PTPRD: variants seen among roughly 807,000 people sequenced by gnomAD.
PTPRD encodes receptor-type tyrosine-protein phosphatase delta.
In PTPRD, 34 loss-of-function variants were observed where a neutral mutation model predicts 214.5. The ratio of observed to expected loss-of-function variants is 0.16; its 90% CI spans 0.12 to 0.21. PTPRD has a LOEUF of 0.21. Among genes scored for constraint, PTPRD ranks in the 10% least tolerant of loss-of-function variants. The pLI, the probability that PTPRD is intolerant of heterozygous loss-of-function variation, is 1.00. For missense variants in PTPRD, 2,545 were observed against 2,398.7 expected (o/e 1.06, Z -1.27); for synonymous variants, 1,128 against 845.7 (o/e 1.33, Z -5.79).
chr9:10,158,708 G>T (rs1043083340), intron 3 of PTPRD, among the ~76,000 whole-genome samples: 1 of 152,060 alleles, frequency 6.6e-6, no homozygotes, highest in South Asian at 2.1e-4. Context: ...AAATTTGCCT[G>T]CCACCAACTG....
rs1464318660 is a variant in PTPRD, at chr9:8,315,879, C to A, written c.*1995G>T. ...TTAAAATCATGTAATATGTGGCAAA[C>A]TTATGCCATCATCCATGGCTTCCTA... On this transcript the variant is annotated 3_prime_UTR_variant, in exon 46 of 46. Coordinates refer to ENST00000381196, the MANE Select transcript of PTPRD (RefSeq NM_002839.4). 2 of 225,322 alleles carry A rather than the reference C, an allele frequency of 8.9e-6. No homozygotes were observed. Among genetic ancestry groups the A allele is most frequent in the Non-Finnish European group, 1.8e-5 (2 of 112,972 alleles). 14.0% of individuals were successfully genotyped at this position (225,322 alleles called of 1,614,324 possible).
chr9:9,861,052 A>T (rs1375564912), intron 5 of PTPRD, among the ~76,000 whole-genome samples: 5 of 152,202 alleles, frequency 3.3e-5, no homozygotes, highest in Non-Finnish European at 5.9e-5. Flanking sequence ...TTTAAAAAAG[A>T]GAAATCATTA....
At chr9:9,901,257 A>G (rs1313513938) in intron 5 of PTPRD, among the ~76,000 whole-genome samples, 2 of 152,174 alleles carry the variant, frequency 1.3e-5, no homozygotes, top group African/African-American at 2.4e-5. Flanking sequence ...AAGTTCTAAT[A>G]TGTCATTATA....
At chr9:8,466,606 A>T (rs1000094474) in intron 31 of PTPRD, among the ~76,000 whole-genome samples, 1 of 151,916 alleles carries the variant, frequency 6.6e-6, no homozygotes, top group Non-Finnish European at 1.5e-5. Context: ...GGGTTTAACA[A>T]GGGAAAGGTC....
chr9:9,014,239 G>A (rs181792375), intron 11 of PTPRD, among the ~76,000 whole-genome samples: 2 of 142,224 alleles, frequency 1.4e-5, no homozygotes, highest in East Asian at 2.1e-4. Flanking sequence ...TGAGTTTCAT[G>A]AGCAAAGCTG....
At chr9:10,161,938 T>C (rs746656644) in intron 3 of PTPRD, among the ~76,000 whole-genome samples, 11 of 151,656 alleles carry the variant, frequency 7.3e-5, no homozygotes, top group Non-Finnish European at 1.5e-4. Context: ...GTATATTTTT[T>C]AAAAAAATGC....
chr9:9,307,488 A>T (rs1957496773), intron 9 of PTPRD, among the ~76,000 whole-genome samples: 1 of 152,166 alleles, frequency 6.6e-6, no homozygotes, highest in African/African-American at 2.4e-5. Flanking sequence ...GAAACCTGAA[A>T]GTCTTCTTTA....
intron 3 of PTPRD, among the ~76,000 whole-genome samples, chr9:10,036,829 G>A (rs375401383): frequency 1.4e-3 from 209 of 151,842 alleles, no homozygotes; most frequent in African/African-American, 4.6e-3. Context: ...TGATCTGCCC[G>A]CCTCGGCCTC....
chr9:8,665,347 A>T (rs549555745), intron 12 of PTPRD, among the ~76,000 whole-genome samples: 1 of 152,300 alleles, frequency 6.6e-6, no homozygotes, highest in Admixed American at 6.5e-5. Context: ...TGCACTGGGG[A>T]GTAGCATGAT....
At chr9:9,989,768 C>A (rs1433175118) in intron 4 of PTPRD, among the ~76,000 whole-genome samples, 1 of 152,206 alleles carries the variant, frequency 6.6e-6, no homozygotes, top group Non-Finnish European at 1.5e-5. Context: ...CCCGCTGGGG[C>A]TCCAGGGGTC....
chr9:8,360,119 A>T (rs879428371), intron 39 of PTPRD, among the ~76,000 whole-genome samples: 2 of 152,244 alleles, frequency 1.3e-5, no homozygotes, highest in Non-Finnish European at 2.9e-5. Context: ...TAGTTACAAA[A>T]TAAATGAGTT....
intron 3 of PTPRD, among the ~76,000 whole-genome samples, chr9:10,075,476 A>C (rs2098117780): frequency 6.6e-6 from 1 of 151,820 alleles, no homozygotes; most frequent in African/African-American, 2.4e-5. Flanking sequence ...TATTTGATTT[A>C]TATACTTTAT....
At chr9:10,602,168 T>C (rs1405779673) in intron 2 of PTPRD, among the ~76,000 whole-genome samples, 1 of 151,828 alleles carries the variant, frequency 6.6e-6, no homozygotes, top group East Asian at 1.9e-4. Flanking sequence ...GTGGTATTAA[T>C]TAAAATTTTA....
intron 14 of PTPRD, among the ~76,000 whole-genome samples, chr9:8,551,138 A>C (rs890840134): frequency 1.3e-5 from 2 of 152,156 alleles, no homozygotes; most frequent in Admixed American, 1.3e-4. Context: ...ATCTTTCTTC[A>C]TAATTATATC....
chr9:8,340,767 A>C (rs1288302259), intron 41 of PTPRD, among the ~76,000 whole-genome samples: 3 of 152,148 alleles, frequency 2.0e-5, no homozygotes, highest in African/African-American at 7.2e-5. Context: ...AGAAACACTT[A>C]GATGTGCAGC....
At chr9:10,245,857 G>A (rs892982630) in intron 3 of PTPRD, among the ~76,000 whole-genome samples, 8 of 151,982 alleles carry the variant, frequency 5.3e-5, no homozygotes, top group African/African-American at 1.9e-4. Context: ...ATCAAGTAAG[G>A]GATTTTCTTA....
At chr9:8,490,125 A>T (rs911148049) in intron 27 of PTPRD, among the ~76,000 whole-genome samples, 1 of 152,134 alleles carries the variant, frequency 6.6e-6, no homozygotes, top group Non-Finnish European at 1.5e-5. Context: ...GTAAGATGAA[A>T]GGGTCTTAAA....
chr9:9,834,533 CTA>C (rs2056138784), intron 5 of PTPRD, among the ~76,000 whole-genome samples: 1 of 151,946 alleles, frequency 6.6e-6, no homozygotes, highest in African/African-American at 2.4e-5. Context: ...CTACCAGTTC[CTA>C]AGTATGCATT....
intron 36 of PTPRD, among the ~76,000 whole-genome samples, chr9:8,391,500 T>G (rs1269155074): frequency 1.3e-5 from 2 of 152,152 alleles, no homozygotes; most frequent in Non-Finnish European, 2.9e-5. Context: ...ACGGTTTAAA[T>G]AAAATTCTCA....
Sources: allele counts gnomAD v4.1 joint callset (sites outside exome capture counted in the v4.1 genomes callset), GRCh38; gene constraint gnomAD v4.1.1; transcripts MANE v1.5; gene names NCBI Gene and HGNC (gene_info 2026-07-23, HGNC 2026-07-21).